The following ELAVL2 variants were observed in gnomAD, a reference collection of about 807,000 sequenced individuals.
The protein encoded by ELAVL2 is ELAV-like protein 2.
In ELAVL2, 4 loss-of-function variants were observed where a neutral mutation model predicts 34.6. The observed-to-expected ratio is 0.12, with a 90% confidence interval of 0.06 to 0.26. The LOEUF (loss-of-function observed/expected upper bound fraction) is 0.26. Ranked by LOEUF, ELAVL2 falls within the 10% of genes least tolerant of loss-of-function variation. The probability of loss-of-function intolerance (pLI) is 1.00; values close to 1 mark genes in which losing one functional copy is unlikely to be tolerated. For synonymous variants in ELAVL2, 193 were observed against 154.8 expected (o/e 1.25, Z -1.83); for missense variants, 432 against 442.8 (o/e 0.98, Z 0.22).
chr9:23,765,120 G>A (rs2055933257), intron 1 of ELAVL2: 8 of 1,578,700 alleles, frequency 5.1e-6, no homozygotes, highest in Non-Finnish European at 6.8e-6. Flanking sequence ...GACACAAAAA[G>A]TACCGTATGT....
In ELAVL2 at chr9:23,779,419, AG is replaced by A. The variant is rs2136698064; in HGVS notation, c.-15-17171del. The A allele has an allele frequency of 6.1e-6, 6 of 985,318 alleles. No homozygotes were observed. The South Asian group carries it at 2.3e-4, about 39-fold the overall frequency. The allele number at this position is 985,318 out of a possible 1,614,324, so 61.0% of individuals were successfully genotyped here. A position where few individuals can be genotyped will look rare whatever the true frequency, so the allele number is the denominator to read the frequency against. ...TGGCTATTTATAGCACAGCAATGGA[AG>A]ATCTGGGAGGTGGCTGAGGGAATAT... is the stretch of plus-strand genomic sequence containing the variant. On this transcript the variant is annotated intron_variant, in intron 1 of 6. Coordinates refer to ENST00000397312, the MANE Select transcript of ELAVL2 (RefSeq NM_004432.5).
intron 1 of ELAVL2, among the ~76,000 whole-genome samples, chr9:23,817,207 T>C (rs1030780753): frequency 6.6e-6 from 1 of 152,140 alleles, no homozygotes; most frequent in African/African-American, 2.4e-5. Context: ...GTAATAGATA[T>C]CAGTAATATA....
At chr9:23,801,320 A>G (rs2061541503) in intron 1 of ELAVL2, among the ~76,000 whole-genome samples, 1 of 152,216 alleles carries the variant, frequency 6.6e-6, no homozygotes, top group African/African-American at 2.4e-5. Flanking sequence ...CTCAGGTAGA[A>G]GATTTTTTAA....
chr9:23,728,521 G>T (rs1252585072), intron 3 of ELAVL2, among the ~76,000 whole-genome samples: 1 of 152,096 alleles, frequency 6.6e-6, no homozygotes, highest in Non-Finnish European at 1.5e-5. Context: ...AAACAGTAGA[G>T]AAACACCATA....
intron 3 of ELAVL2, among the ~76,000 whole-genome samples, chr9:23,716,154 G>A (rs180790019): frequency 6.7e-6 from 1 of 148,888 alleles, no homozygotes; most frequent in Non-Finnish European, 1.5e-5. Flanking sequence ...ATCACACACC[G>A]GGGCCTGTTG....
chr9:23,777,496 C>T (rs1030970966), intron 1 of ELAVL2, among the ~76,000 whole-genome samples: 2 of 152,116 alleles, frequency 1.3e-5, no homozygotes, highest in Admixed American at 6.6e-5. Context: ...CCCAAGCATG[C>T]TTTTTACATC....
chr9:23,846,513 A>C, the ELAVL2 span, among the ~76,000 whole-genome samples: 1 of 152,034 alleles, frequency 6.6e-6, no homozygotes, highest in Admixed American at 6.6e-5. Flanking sequence ...TGCTTATTTA[A>C]GTTCCCTTTT....
intron 3 of ELAVL2, among the ~76,000 whole-genome samples, chr9:23,716,690 T>C (rs778070890): frequency 5.3e-5 from 8 of 152,094 alleles, no homozygotes; most frequent in African/African-American, 1.2e-4. Flanking sequence ...GACCACCAAA[T>C]AGATGAGAAA....
intron 2 of ELAVL2, among the ~76,000 whole-genome samples, chr9:23,732,448 G>C (rs896983790): frequency 2.0e-5 from 3 of 152,152 alleles, no homozygotes; most frequent in Admixed American, 6.5e-5. Context: ...AAGGAATAGA[G>C]AGCTAAAAAC....
intron 1 of ELAVL2, among the ~76,000 whole-genome samples, chr9:23,796,456 C>G (rs2060940651): frequency 6.6e-6 from 1 of 152,214 alleles, no homozygotes; most frequent in Non-Finnish European, 1.5e-5. Flanking sequence ...CAGATGAAAT[C>G]TTAATGAAAG....
chr9:23,705,106 T>C (rs1049217224), intron 3 of ELAVL2, 35 bp from the exon 4 acceptor site: 3 of 1,611,738 alleles, frequency 1.9e-6, no homozygotes, highest in South Asian at 1.1e-5. Flanking sequence ...TGTATATGCA[T>C]GCTCACTCAC....
intron 2 of ELAVL2, among the ~76,000 whole-genome samples, chr9:23,750,883 G>A (rs1369925417): frequency 6.6e-6 from 1 of 152,118 alleles, no homozygotes; most frequent in Non-Finnish European, 1.5e-5. Flanking sequence ...TAAAATGTGA[G>A]GAAATAAAAC....
chr9:23,737,252 G>A (rs1009813242), intron 2 of ELAVL2, among the ~76,000 whole-genome samples: 1 of 152,172 alleles, frequency 6.6e-6, no homozygotes, highest in Non-Finnish European at 1.5e-5. Context: ...TGCCTTCCAG[G>A]AGCCTGTGGT....
chr9:23,698,818 A>C (rs1001826968), intron 5 of ELAVL2, among the ~76,000 whole-genome samples: 2 of 152,214 alleles, frequency 1.3e-5, no homozygotes, highest in Non-Finnish European at 2.9e-5. Context: ...GAAAAGCATC[A>C]AACATCAGGT....
At chr9:23,777,479 T>C (rs3793586) in intron 1 of ELAVL2, among the ~76,000 whole-genome samples, 4,457 of 152,274 alleles carry the variant, frequency 0.029, 87 homozygotes, top group East Asian at 0.075. Flanking sequence ...TATACCCTTC[T>C]GCCCCACCCA....
intron 1 of ELAVL2, among the ~76,000 whole-genome samples, chr9:23,820,759 C>T (rs1001523589): frequency 6.6e-6 from 1 of 152,204 alleles, no homozygotes; most frequent in African/African-American, 2.4e-5. Flanking sequence ...CCGCCGCTGG[C>T]AGGCCCTACC....
rs1039145989 is a variant in ELAVL2, at chr9:23,690,759, G to C, written c.*1798C>G. On this transcript the variant is annotated 3_prime_UTR_variant, in exon 7 of 7. Coordinates refer to ENST00000397312, the MANE Select transcript of ELAVL2 (RefSeq NM_004432.5). ...TCTCAGTTTATACAAAAAGCAGGAC[G>C]TAACTATATAGTTCTCAGTGCATCC... The C allele has an allele frequency of 6.6e-6, 1 of 152,572 alleles. No individual in the cohort carries two copies. Among genetic ancestry groups the C allele is most frequent in the Non-Finnish European group, 1.5e-5 (1 of 68,008 alleles). The allele number at this position is 152,572 out of a possible 1,614,324, so 9.5% of individuals were successfully genotyped here.
At chr9:23,705,405 G>C (rs1022842495) in intron 3 of ELAVL2, among the ~76,000 whole-genome samples, 1 of 152,230 alleles carries the variant, frequency 6.6e-6, no homozygotes, top group Non-Finnish European at 1.5e-5. Flanking sequence ...CGGAGGTATA[G>C]TGATTCAACA....
At chr9:23,755,151 C>T (rs1476512205) in intron 2 of ELAVL2, among the ~76,000 whole-genome samples, 1 of 152,096 alleles carries the variant, frequency 6.6e-6, no homozygotes, top group Non-Finnish European at 1.5e-5. Context: ...ACACAAAATA[C>T]GAGCAAAAAT....
Sources: allele counts gnomAD v4.1 joint callset (sites outside exome capture counted in the v4.1 genomes callset), GRCh38; gene constraint gnomAD v4.1.1; transcripts MANE v1.5; gene names NCBI Gene and HGNC (gene_info 2026-07-23, HGNC 2026-07-21).